The following ANKFN1 variants were observed in gnomAD, a reference collection of about 807,000 sequenced individuals.
ANKFN1 encodes the protein ankyrin repeat and fibronectin type III domain containing 1, also known as ankyrin repeat and fibronectin type-III domain-containing protein 1.
A neutral mutation model predicts 108.7 loss-of-function variants in ANKFN1; 74 were observed. The observed-to-expected ratio is 0.68, with a 90% confidence interval of 0.56 to 0.83. The LOEUF is 0.83. ANKFN1 is among the 40% of genes least tolerant of loss of function. The pLI is 0.00. For synonymous variants in ANKFN1, 547 were observed against 516.2 expected, an observed-to-expected ratio of 1.06 and a Z score of -0.81; for missense variants, 1,505 against 1,382.3, an observed-to-expected ratio of 1.09 and a Z score of -1.41.
At chr17:56,280,251 G>A (rs559105071) in intron 3 of ANKFN1, among the ~76,000 whole-genome samples, 1 of 152,094 alleles carries the variant, frequency 6.6e-6, no homozygotes, top group East Asian at 1.9e-4. Flanking sequence ...GAAGAGATTA[G>A]CAATTGAATC....
At chr17:56,114,563 T>C (rs1405182822) in intron 4 of ANKFN1, among the ~76,000 whole-genome samples, 2 of 152,182 alleles carry the variant, frequency 1.3e-5, no homozygotes, top group Non-Finnish European at 2.9e-5. Context: ...TCAAACATAG[T>C]GTGAGGGGTG....
intron 17 of ANKFN1, among the ~76,000 whole-genome samples, chr17:56,481,794 GA>G (rs144894413): frequency 6.6e-6 from 1 of 151,748 alleles, no homozygotes. Flanking sequence ...TTCACTAGGA[GA>G]AAAAAAAGTA....
chr17:56,377,987 T>C (rs2046989193), intron 8 of ANKFN1, among the ~76,000 whole-genome samples: 1 of 152,184 alleles, frequency 6.6e-6, no homozygotes, highest in South Asian at 2.1e-4. Flanking sequence ...TTTTCCTACT[T>C]CATTCCCTAA....
At chr17:56,368,428 G>A (rs1289958998) in intron 6 of ANKFN1, among the ~76,000 whole-genome samples, 5 of 150,750 alleles carry the variant, frequency 3.3e-5, no homozygotes, top group African/African-American at 7.3e-5. Flanking sequence ...TACAGGTGCC[G>A]GTCACCACGC....
intron 4 of ANKFN1, among the ~76,000 whole-genome samples, chr17:56,334,071 A>G (rs542120705): frequency 1.3e-5 from 2 of 152,280 alleles, no homozygotes; most frequent in African/African-American, 2.4e-5. Flanking sequence ...TTAAAATAAC[A>G]TCTAACAATT....
intron 6 of ANKFN1, among the ~76,000 whole-genome samples, chr17:56,364,518 G>T (rs1206742488): frequency 1.3e-5 from 2 of 152,194 alleles, no homozygotes; most frequent in Non-Finnish European, 2.9e-5. Context: ...AATATTGGCA[G>T]AAAACATGGT....
intron 4 of ANKFN1, among the ~76,000 whole-genome samples, chr17:56,090,027 G>T: frequency 6.6e-6 from 1 of 151,516 alleles, no homozygotes; most frequent in Non-Finnish European, 1.5e-5. Flanking sequence ...ATCAGGGAAA[G>T]ATTTGTGGAT....
At chr17:56,474,025 A>G (rs1039421153) in intron 15 of ANKFN1, among the ~76,000 whole-genome samples, 8 of 152,176 alleles carry the variant, frequency 5.3e-5, no homozygotes. Flanking sequence ...AACCGTAATT[A>G]TCATAGCCTT....
intron 19 of ANKFN1, among the ~76,000 whole-genome samples, chr17:56,493,236 CA>C (rs565725456): frequency 7.8e-4 from 118 of 150,910 alleles, no homozygotes; most frequent in African/African-American, 2.8e-3. Flanking sequence ...TGCTAGGTGC[CA>C]AAAAAAAGAT....
intron 16 of ANKFN1, 100 bp downstream of exon 16, chr17:56,477,754 GT>G: frequency 7.5e-7 from 1 of 1,338,014 alleles, no homozygotes; most frequent in South Asian, 1.4e-5. Flanking sequence ...TTCCAGGGCA[GT>G]TTTTATGGTG....
chr17:56,393,404 A>G (rs1258034659), intron 8 of ANKFN1, among the ~76,000 whole-genome samples: 1 of 152,190 alleles, frequency 6.6e-6, no homozygotes, highest in Non-Finnish European at 1.5e-5. Flanking sequence ...CATCCTCTGT[A>G]ACACTTCAGT....
At chr17:56,050,308 G>A (rs976322222) in intron 4 of ANKFN1, among the ~76,000 whole-genome samples, 12 of 149,862 alleles carry the variant, frequency 8.0e-5, no homozygotes, top group African/African-American at 2.7e-4. Flanking sequence ...TGTCAGATGA[G>A]TAGGTTGCGG....
intron 8 of ANKFN1, among the ~76,000 whole-genome samples, chr17:56,402,624 T>G (rs377369962): frequency 6.6e-5 from 10 of 152,098 alleles, no homozygotes; most frequent in East Asian, 5.8e-4. Flanking sequence ...TTTTATTTAT[T>G]TTTTCAAAGA....
At chr17:56,488,800 A>C (rs1289973843) in intron 18 of ANKFN1, among the ~76,000 whole-genome samples, 1 of 152,228 alleles carries the variant, frequency 6.6e-6, no homozygotes, top group Admixed American at 6.5e-5. Context: ...TTAGGATTTT[A>C]GTGAGTTAGA....
chr17:56,119,006 G>A (rs1360756498), intron 4 of ANKFN1, among the ~76,000 whole-genome samples: 1 of 152,130 alleles, frequency 6.6e-6, no homozygotes, highest in Non-Finnish European at 1.5e-5. Flanking sequence ...GGAGGTTCGA[G>A]GAGGTGAAAA....
intron 8 of ANKFN1, among the ~76,000 whole-genome samples, chr17:56,388,393 A>G (rs1459952366): frequency 6.6e-6 from 1 of 151,920 alleles, no homozygotes; most frequent in Non-Finnish European, 1.5e-5. Context: ...TGGCCTCCCA[A>G]AGTGCTAGGA....
intron 5 of ANKFN1, among the ~76,000 whole-genome samples, chr17:56,352,502 G>A (rs1266466064): frequency 1.3e-5 from 2 of 152,178 alleles, no homozygotes; most frequent in Non-Finnish European, 1.5e-5. Flanking sequence ...CCAGATAGAT[G>A]TGTAAATAAT....
intron 1 of ANKFN1, among the ~76,000 whole-genome samples, chr17:56,170,011 C>T (rs866060317): frequency 2.0e-5 from 3 of 152,158 alleles, no homozygotes; most frequent in Admixed American, 6.5e-5. Context: ...CCACATGGAT[C>T]GGTGGCAGCT....
intron 10 of ANKFN1, 103 bp from the exon 11 acceptor site, chr17:56,448,976 A>T (rs2049389582): frequency 1.1e-6 from 1 of 879,890 alleles, no homozygotes; most frequent in African/African-American, 1.7e-5. Context: ...TCATCCGCAG[A>T]GACTGTGGGT....
Sources: gnomAD v4.1 joint callset for allele counts (sites outside exome capture counted in the v4.1 genomes callset) on GRCh38, gnomAD v4.1.1 for gene constraint, MANE v1.5 for transcripts, NCBI Gene and HGNC (gene_info 2026-07-23, HGNC 2026-07-21) for gene names.